Variants in TRIM4 observed in about 807,000 individuals in gnomAD.
TRIM4 encodes tripartite motif containing 4.
In TRIM4, 29 loss-of-function variants were observed where a neutral mutation model predicts 33.7. The observed-to-expected ratio is 0.86, with a 90% CI of 0.64 to 1.17. The LOEUF (loss-of-function observed/expected upper bound fraction) is 1.17. Ranked by LOEUF, TRIM4 falls within the 50% of genes most tolerant of loss-of-function variation. The pLI is 0.00. For missense variants in TRIM4, 554 were observed against 593.7 expected (o/e 0.93, Z 0.69); for synonymous variants, 224 against 233.0 (o/e 0.96, Z 0.35).
At position 99,919,059 on chromosome 7, in the gene TRIM4, G is replaced by T; in HGVS notation, c.343C>A (p.His115Asn). Reference protein sequence around the residue: ...VCLVCRESQEHQTHAMAPIDE... With the variant: ...VCLVCRESQENQTHAMAPIDE... ...ATGGGTGCCATGGCGTGAGTCTGGT[G>T]CTCCTGGGACTCCCTGCACACCAGG... The change falls in exon 1 of 6, where the codon CAC becomes AAC. Residue 115 changes from histidine (H) to asparagine (N), a missense_variant. Transcript: ENST00000349062. 3.2e-6 allele frequency: 5 copies of T among 1,578,762 alleles called. No individual in the cohort carries two copies. Among genetic ancestry groups the T allele is most frequent in the Non-Finnish European group, 2.6e-6 (3 of 1,164,548 alleles).
chr7:99,915,007 A>C (rs538720470), intron 1 of TRIM4, among the ~76,000 whole-genome samples: 2 of 151,846 alleles, frequency 1.3e-5, no homozygotes, highest in East Asian at 3.9e-4. Context: ...ACAGGGTTTC[A>C]CCATGTTGGC....
chr7:99,919,407 T>C lies in TRIM4; in HGVS notation c.-6A>G. 1 of 1,533,470 alleles carries C rather than the reference T, an allele frequency of 6.5e-7. No individual in the cohort carries two copies. The highest frequency in any genetic ancestry group is 8.8e-7 in the Non-Finnish European group (1 of 1,142,508). The allele number at this position is 1,533,470 out of a possible 1,614,324, so 95.0% of individuals were successfully genotyped here. A position where few individuals can be genotyped will look rare whatever the true frequency, so the allele number is the denominator to read the frequency against. On this transcript the variant is annotated 5_prime_UTR_variant, in exon 1 of 6. Transcript: ENST00000349062. ...TGGATGTCCTCAGCTTCCATGCTGCTTCCCTGCCGCGGAGACGGAGTCCGA... is the reference window on the plus strand; with the variant it reads ...TGGATGTCCTCAGCTTCCATGCTGCCTCCCTGCCGCGGAGACGGAGTCCGA...
At chr7:99,913,753 G>A (rs533869806) in intron 1 of TRIM4, among the ~76,000 whole-genome samples, 5 of 152,136 alleles carry the variant, frequency 3.3e-5, no homozygotes, top group African/African-American at 1.2e-4. Flanking sequence ...AAAATTATAC[G>A]TATATGAAAA....
intron 5 of TRIM4, among the ~76,000 whole-genome samples, chr7:99,895,351 A>G (rs1818993466): frequency 6.6e-6 from 1 of 152,138 alleles, no homozygotes; most frequent in South Asian, 2.1e-4. Context: ...GATTCTTGAT[A>G]TTTAGGGGGG....
chr7:99,916,025 C>G (rs565621564), intron 1 of TRIM4, among the ~76,000 whole-genome samples: 1 of 152,092 alleles, frequency 6.6e-6, no homozygotes, highest in Non-Finnish European at 1.5e-5. Context: ...ACAGAATCCA[C>G]CTAATAGGAT....
chr7:99,892,463 G>A lies in TRIM4; in HGVS notation c.1125C>T (p.Val375=). The A allele has an allele frequency of 6.2e-7, 1 of 1,614,082 alleles. No homozygotes were observed. The highest frequency in any genetic ancestry group is 1.3e-5 in the African/African-American group (1 of 75,016). Residue 375 remains valine, a synonymous_variant, in exon 6 of 6, where the codon GTC becomes GTT. Transcript: ENST00000349062. ...TTTTTGAACGATCAGTAATTCCCAT[G>A]ACGTCCTCCCGACACACCCCAACAG... ...EVAVGVCRED[V]MGITDRSKMS...
At chr7:99,914,146 A>C (rs1584273074) in intron 1 of TRIM4, among the ~76,000 whole-genome samples, 1 of 151,844 alleles carries the variant, frequency 6.6e-6, no homozygotes, top group African/African-American at 2.4e-5. Flanking sequence ...AACTACAATA[A>C]CCTCCCGACT....
Position 99,903,420 on chromosome 7 carries a change from A to G in TRIM4, c.744-105T>C, listed in dbSNP as rs1819222901. 4 of 1,349,330 alleles carry G rather than the reference A, an allele frequency of 3.0e-6. No homozygotes were observed. In the South Asian group the frequency reaches 3.7e-5, roughly 12 times the overall value. The allele number at this position is 1,349,330 out of a possible 1,614,324, so 83.6% of individuals were successfully genotyped here. ...CAAAGTTCAGATGGCTTCTGTTCCCATTCCTCCTCCCAGAAACAATCAGGA... is the reference window on the plus strand; with the variant it reads ...CAAAGTTCAGATGGCTTCTGTTCCCGTTCCTCCTCCCAGAAACAATCAGGA... On this transcript the variant is annotated intron_variant, in intron 4 of 5. Transcript: ENST00000349062.
At chr7:99,898,318 CATG>C (rs1416523005) in intron 5 of TRIM4, among the ~76,000 whole-genome samples, 1 of 152,330 alleles carries the variant, frequency 6.6e-6, no homozygotes, top group East Asian at 1.9e-4. Flanking sequence ...TACTGAAAGG[CATG>C]ATAATAGCAT....
Position 99,910,709 on chromosome 7 carries a change from C to T in TRIM4, c.394-1049G>A, listed in dbSNP as rs568626132. ...GAGGTGGGGTACTAGAAATTTTATG[C>T]ATTTTTGCTTTAATTTCTACAAGTG... On this transcript the variant is annotated intron_variant, in intron 1 of 5. Transcript: ENST00000349062. Among the ~76,000 whole-genome samples the T allele has an allele frequency of 3.0e-4, 45 of 152,254 alleles. No homozygotes were observed. In the South Asian group the frequency reaches 5.2e-3, roughly 18 times the overall value.
intron 3 of TRIM4, among the ~76,000 whole-genome samples, chr7:99,907,518 T>C (rs965100177): frequency 2.0e-5 from 3 of 152,262 alleles, no homozygotes; most frequent in Admixed American, 1.3e-4. Flanking sequence ...TTTCAGATTC[T>C]AATTAGATGT....
intron 1 of TRIM4, 69 bp from the exon 2 acceptor site, chr7:99,909,729 GT>G (rs58242927): frequency 0.38 from 272,325 of 718,328 alleles, 23,428 homozygotes; most frequent in African/African-American, 0.55. Context: ...TTTTCTTTTT[GT>G]TTTTTTTTTT....
At chr7:99,897,892 G>A (rs1819058310) in intron 5 of TRIM4, among the ~76,000 whole-genome samples, 1 of 152,186 alleles carries the variant, frequency 6.6e-6, no homozygotes, top group East Asian at 1.9e-4. Flanking sequence ...TTACTAAATG[G>A]CTTCCCCTTT....
chr7:99,913,324 A>T (rs1287209558), intron 1 of TRIM4, among the ~76,000 whole-genome samples: 1 of 152,196 alleles, frequency 6.6e-6, no homozygotes, highest in Admixed American at 6.5e-5. Flanking sequence ...AGGTGGCAGG[A>T]GCGCAACACC....
intron 1 of TRIM4, among the ~76,000 whole-genome samples, chr7:99,915,615 GT>G (rs1819538589): frequency 1.3e-5 from 2 of 152,184 alleles, no homozygotes; most frequent in African/African-American, 4.8e-5. Flanking sequence ...CCCAGGGGCA[GT>G]TTATGTTTTT....
At chr7:99,894,311 TAGG>T (rs2151640789) in intron 5 of TRIM4, among the ~76,000 whole-genome samples, 1 of 152,280 alleles carries the variant, frequency 6.6e-6, no homozygotes, top group African/African-American at 2.4e-5. Context: ...CAATTTTCAA[TAGG>T]AGTTCTTGAA....
rs1036635757 is a variant in TRIM4 at position 99,890,834 on chromosome 7, T to G, written c.*1329A>C. Reference sequence around the variant, plus strand: ...AAACCCCTGTGACATGTAATTGATCTATAGAACAAACCTGCACGTGTTCCC... The same window carrying G: ...AAACCCCTGTGACATGTAATTGATCGATAGAACAAACCTGCACGTGTTCCC... On this transcript the variant is annotated 3_prime_UTR_variant, in exon 6 of 6. Transcript: ENST00000349062. The G allele has an allele frequency of 6.6e-6, 1 of 152,216 alleles. No homozygotes were observed. The highest frequency in any genetic ancestry group is 2.4e-5 in the African/African-American group (1 of 41,462). The allele number at this position is 152,216 out of a possible 1,614,324, so 9.4% of individuals were successfully genotyped here.
At chr7:99,899,207 C>T (rs994715469) in intron 5 of TRIM4, among the ~76,000 whole-genome samples, 3 of 152,198 alleles carry the variant, frequency 2.0e-5, no homozygotes, top group Non-Finnish European at 4.4e-5. Flanking sequence ...ATGCACTCCT[C>T]ATCTATAAAG....
At chr7:99,894,056 A>G in intron 5 of TRIM4, among the ~76,000 whole-genome samples, 1 of 150,666 alleles carries the variant, frequency 6.6e-6, no homozygotes, top group Non-Finnish European at 1.5e-5. Flanking sequence ...AATCTCACAT[A>G]TTGTGATTAT....
Sources: allele counts gnomAD v4.1 joint callset (sites outside exome capture counted in the v4.1 genomes callset), GRCh38; gene constraint gnomAD v4.1.1; transcripts MANE v1.5; gene names NCBI Gene and HGNC (gene_info 2026-07-23, HGNC 2026-07-21).